Variants in DAB1 observed in about 807,000 individuals in gnomAD.
DAB1 encodes DAB adaptor protein 1, also known as disabled homolog 1.
In DAB1, 15 loss-of-function variants were observed where a neutral mutation model predicts 64.6. The observed-to-expected ratio is 0.23, with a 90% CI of 0.16 to 0.36. The LOEUF is 0.36. Among genes scored for constraint, DAB1 ranks in the 10% least tolerant of loss-of-function variants. The pLI, the probability that DAB1 is intolerant of heterozygous loss-of-function variation, is 1.00. For missense variants in DAB1, 596 were observed against 706.7 expected, an observed-to-expected ratio of 0.84 and a Z score of 1.78; for synonymous variants, 235 against 251.9, an observed-to-expected ratio of 0.93 and a Z score of 0.64.
intron 7 of DAB1, among the ~76,000 whole-genome samples, chr1:57,554,766 A>G (rs1644967187): frequency 2.6e-5 from 4 of 152,220 alleles, no homozygotes; most frequent in Admixed American, 2.6e-4. Context: ...TTAATGAAAC[A>G]CTAGCCTACA....
At chr1:57,233,843 A>G (rs1346246609) in intron 2 of DAB1, among the ~76,000 whole-genome samples, 1 of 152,100 alleles carries the variant, frequency 6.6e-6, no homozygotes, top group East Asian at 1.9e-4. Flanking sequence ...AAGAGAAACT[A>G]TATACTTGGA....
intron 7 of DAB1, among the ~76,000 whole-genome samples, chr1:57,560,811 T>C (rs1645041881): frequency 6.6e-6 from 1 of 152,192 alleles, no homozygotes; most frequent in African/African-American, 2.4e-5. Context: ...AGCAGAGGCC[T>C]CTAGGATTTT....
rs1238291378 is a variant in DAB1 at position 57,252,105 on chromosome 1, A to C, written c.67+38859T>G. 2.6e-5 allele frequency among the ~76,000 whole-genome samples: 4 copies of C among 152,262 alleles called. No homozygotes were observed. In the South Asian group the frequency reaches 8.3e-4, roughly 32 times the overall value. On this transcript the variant is annotated intron_variant, in intron 2 of 14. Coordinates refer to ENST00000371236, the MANE Select transcript of DAB1 (RefSeq NM_001365792.1). ...TTCAAAGAAGAGTTTTCTATAACTT[A>C]AAAGAGTAGATTTAAGAATGGGGAA...
intron 5 of DAB1, among the ~76,000 whole-genome samples, chr1:58,070,704 G>A (rs1051341522): frequency 5.3e-5 from 8 of 152,094 alleles, no homozygotes; most frequent in South Asian, 2.1e-4. Context: ...GGCTAGACTC[G>A]GGACTCATCA....
At chr1:57,201,180 G>C (rs1054143834) in intron 2 of DAB1, among the ~76,000 whole-genome samples, 4 of 152,094 alleles carry the variant, frequency 2.6e-5, no homozygotes, top group Non-Finnish European at 5.9e-5. Flanking sequence ...TAGGGTTTTT[G>C]TGGCTTTATC....
chr1:57,421,835 T>G (rs918405667), intron 1 of DAB1, among the ~76,000 whole-genome samples: 2 of 144,678 alleles, frequency 1.4e-5, no homozygotes, highest in African/African-American at 2.5e-5. Flanking sequence ...AAATCTTTGA[T>G]CACTTTCAGT....
At chr1:57,600,787 G>A (rs1041104621) in intron 7 of DAB1, among the ~76,000 whole-genome samples, 2 of 152,154 alleles carry the variant, frequency 1.3e-5, no homozygotes, top group Admixed American at 6.6e-5. Flanking sequence ...AAAATGAGAT[G>A]GGAGCTCTGG....
chr1:57,207,476 C>T (rs1341582031), intron 2 of DAB1, among the ~76,000 whole-genome samples: 3 of 57,448 alleles, frequency 5.2e-5, no homozygotes, highest in African/African-American at 1.7e-4. Flanking sequence ...TGGAGTCTCG[C>T]TCTGTCGCCC....
chr1:57,477,783 T>C (rs913954515), intron 7 of DAB1, among the ~76,000 whole-genome samples: 9 of 152,282 alleles, frequency 5.9e-5, no homozygotes, highest in Admixed American at 5.2e-4. Flanking sequence ...CCTGAAAGGA[T>C]GTCAAGGAGT....
chr1:57,044,639 G>T (rs1648230698), intron 9 of DAB1, among the ~76,000 whole-genome samples: 1 of 152,172 alleles, frequency 6.6e-6, no homozygotes, highest in African/African-American at 2.4e-5. Context: ...AAAGCAGAAA[G>T]TGTCTTTACT....
At chr1:58,256,542 A>G (rs1268003555) in intron 4 of DAB1, among the ~76,000 whole-genome samples, 1 of 152,234 alleles carries the variant, frequency 6.6e-6, no homozygotes, top group Non-Finnish European at 1.5e-5. Flanking sequence ...ATGTGTTCAG[A>G]TGATAATCAG....
intron 5 of DAB1, among the ~76,000 whole-genome samples, chr1:57,969,949 G>T (rs1476551454): frequency 6.6e-6 from 1 of 152,162 alleles, no homozygotes; most frequent in African/African-American, 2.4e-5. Flanking sequence ...CCTTTAGTAA[G>T]TGATTAGGTC....
intron 4 of DAB1, among the ~76,000 whole-genome samples, chr1:58,228,041 T>C (rs539171919): frequency 2.0e-5 from 3 of 152,318 alleles, no homozygotes; most frequent in East Asian, 3.9e-4. Context: ...ATAGCCTAAC[T>C]GGTTTCAGAA....
intron 4 of DAB1, among the ~76,000 whole-genome samples, chr1:58,251,234 A>G (rs547108058): frequency 6.6e-6 from 1 of 152,220 alleles, no homozygotes; most frequent in East Asian, 1.9e-4. Context: ...GTAACAATTC[A>G]CTCATCAATA....
intron 7 of DAB1, among the ~76,000 whole-genome samples, chr1:57,508,155 C>T (rs750693976): frequency 3.5e-4 from 53 of 152,170 alleles, no homozygotes; most frequent in Admixed American, 7.2e-4. Flanking sequence ...TGGACTATTT[C>T]CTATCTCTGC....
chr1:58,439,576 C>T (rs952785254), intron 3 of DAB1, among the ~76,000 whole-genome samples: 16 of 152,264 alleles, frequency 1.1e-4, no homozygotes, highest in South Asian at 6.2e-4. Flanking sequence ...TTACTCTGTG[C>T]GAGACCACTG....
intron 5 of DAB1, among the ~76,000 whole-genome samples, chr1:58,116,742 T>C (rs1652357054): frequency 6.6e-6 from 1 of 152,182 alleles, no homozygotes; most frequent in Non-Finnish European, 1.5e-5. Context: ...TTTCACTCTA[T>C]AATTCAGTTC....
intron 3 of DAB1, among the ~76,000 whole-genome samples, chr1:58,441,474 A>G (rs567456359): frequency 6.6e-6 from 1 of 152,324 alleles, no homozygotes; most frequent in South Asian, 2.1e-4. Context: ...AGGTCGAGTA[A>G]TCAAGTCATT....
At chr1:58,431,307 C>G (rs34279694) in intron 3 of DAB1, among the ~76,000 whole-genome samples, 30,809 of 152,056 alleles carry the variant, frequency 0.2, 3,568 homozygotes, top group Middle Eastern at 0.28. Flanking sequence ...TTCCTATAAT[C>G]CCAGCACTCT....
Sources: gnomAD v4.1 joint callset for allele counts (sites outside exome capture counted in the v4.1 genomes callset) on GRCh38, gnomAD v4.1.1 for gene constraint, MANE v1.5 for transcripts, NCBI Gene and HGNC (gene_info 2026-07-23, HGNC 2026-07-21) for gene names.